Variants in IGF2BP2 observed in about 807,000 individuals in gnomAD.
IGF2BP2 encodes insulin-like growth factor 2 mRNA-binding protein 2.
IGF2BP2 carries 17 observed loss-of-function variants against 75.8 expected under a neutral mutation model. That is an observed-to-expected ratio of 0.22 (90% CI 0.15 to 0.34). The LOEUF (loss-of-function observed/expected upper bound fraction) is 0.34, where lower values mean the gene tolerates loss of function less well. Among genes scored for constraint, IGF2BP2 ranks in the 10% least tolerant of loss-of-function variants. The probability of loss-of-function intolerance (pLI) is 1.00; values close to 1 mark genes in which losing one functional copy is unlikely to be tolerated. For synonymous variants in IGF2BP2, 288 were observed against 295.6 expected (o/e 0.97, Z 0.26); for missense variants, 516 against 772.4 (o/e 0.67, Z 3.93).
At position 185,665,437 on chromosome 3, in the gene IGF2BP2, GAGA is replaced by G. The variant is rs200142109; in HGVS notation, c.1201-7031_1201-7029del. Among the ~76,000 whole-genome samples the G allele has an allele frequency of 1.4e-3, 164 of 118,132 alleles. 7 individuals are homozygous for G. The highest frequency in any genetic ancestry group is 2.3e-3 in the South Asian group (7 of 3,004). The allele number at this position is 118,132 out of a possible 152,430, so 77.5% of individuals were successfully genotyped here. A position where few individuals can be genotyped will look rare whatever the true frequency, so the allele number is the denominator to read the frequency against. On this transcript the variant is annotated intron_variant, in intron 10 of 15. Transcript: ENST00000382199. The stretch of plus-strand genomic sequence containing the variant: ...GGAGGAGAAGGAGAAGGAGGAGGAG[GAGA>G]AGGAGGAGGAGGAGGAGAAGAAGAA...
At chr3:185,724,183 A>G (rs553102643) in intron 2 of IGF2BP2, among the ~76,000 whole-genome samples, 1 of 152,318 alleles carries the variant, frequency 6.6e-6, no homozygotes, top group East Asian at 1.9e-4. Flanking sequence ...TTGCCCGGCT[A>G]AGATCTGAAG....
intron 9 of IGF2BP2, among the ~76,000 whole-genome samples, chr3:185,673,443 G>A (rs1329482125): frequency 1.3e-5 from 2 of 152,186 alleles, no homozygotes; most frequent in African/African-American, 2.4e-5. Flanking sequence ...AGCCAGGTTC[G>A]GGATGGTTTA....
chr3:185,774,716 G>A (rs1397776764), intron 2 of IGF2BP2, among the ~76,000 whole-genome samples: 6 of 151,752 alleles, frequency 4.0e-5, no homozygotes, highest in African/African-American at 1.2e-4. Context: ...GTTAAGAGGC[G>A]GCTGGGGACG....
intron 1 of IGF2BP2, 92 bp from the exon 2 acceptor site, chr3:185,823,305 T>A: frequency 1.0e-6 from 1 of 1,000,916 alleles, no homozygotes; most frequent in Non-Finnish European, 1.5e-6. Context: ...ACGCTCGGGC[T>A]CCGCCTTCGG....
intron 2 of IGF2BP2, among the ~76,000 whole-genome samples, chr3:185,769,073 T>G (rs1733505912): frequency 6.6e-6 from 1 of 151,892 alleles, no homozygotes; most frequent in Admixed American, 6.6e-5. Flanking sequence ...CGGGGCGCGG[T>G]GGTCCACGCC....
At chr3:185,803,282 C>T (rs1217384208) in intron 2 of IGF2BP2, among the ~76,000 whole-genome samples, 1 of 152,078 alleles carries the variant, frequency 6.6e-6, no homozygotes, top group Non-Finnish European at 1.5e-5. Flanking sequence ...ACCTGGGAGG[C>T]AGAGGTTGCA....
At chr3:185,810,206 A>C (rs888695729) in intron 2 of IGF2BP2, among the ~76,000 whole-genome samples, 2 of 152,212 alleles carry the variant, frequency 1.3e-5, no homozygotes, top group African/African-American at 2.4e-5. Context: ...CTATCAGAGT[A>C]GTCTGAGGCT....
chr3:185,771,318 A>G lies in IGF2BP2; in HGVS notation c.239+51835T>C, dbSNP rs572761474. On this transcript the variant is annotated intron_variant, in intron 2 of 15. Coordinates refer to ENST00000382199, the MANE Select transcript of IGF2BP2 (RefSeq NM_006548.6). Reference sequence around the variant, plus strand: ...TAGCCAGGTGTGGTGGTGCACGCCTATAATCCCAGCTACTTGGGTGGCTGA... The same window carrying G: ...TAGCCAGGTGTGGTGGTGCACGCCTGTAATCCCAGCTACTTGGGTGGCTGA... Among the ~76,000 whole-genome samples, 12 of 151,648 alleles carry G rather than the reference A, an allele frequency of 7.9e-5. No individual in the cohort carries two copies. In the South Asian group the frequency reaches 2.5e-3, roughly 32 times the overall value.
rs974414853 is a variant in IGF2BP2, at chr3:185,697,474, C to T, written c.289-811G>A. Reference sequence around the variant, plus strand: ...ATAAAACATTGTTTCCTTTAAGGCACGGTGTTTTCTTTGGGTGGGGAATAA... The same window carrying T: ...ATAAAACATTGTTTCCTTTAAGGCATGGTGTTTTCTTTGGGTGGGGAATAA... On this transcript the variant is annotated intron_variant, in intron 3 of 15. Coordinates refer to ENST00000382199, the MANE Select transcript of IGF2BP2 (RefSeq NM_006548.6). 7.9e-5 allele frequency among the ~76,000 whole-genome samples: 12 copies of T among 151,926 alleles called. No individual in the cohort carries two copies. The East Asian group carries it at 9.7e-4, about 12-fold the overall frequency.
rs116522229 is a variant in IGF2BP2, at chr3:185,645,916, T to C, written c.1708-293A>G. Among the ~76,000 whole-genome samples the C allele has an allele frequency of 1.3e-5, 2 of 152,076 alleles. No individual in the cohort carries two copies. Among genetic ancestry groups the C allele is most frequent in the East Asian group, 1.9e-4 (1 of 5,176 alleles). ...GAAGCAGAAGCAGGGCGCCAGCAAC[T>C]GGGGGCCGTGCAGAGTCAGATGCTA... On this transcript the variant is annotated intron_variant, in intron 15 of 15. Coordinates refer to ENST00000382199, the MANE Select transcript of IGF2BP2 (RefSeq NM_006548.6). The surrounding 1 kb of genome is among the most constrained non-coding windows in gnomAD (Gnocchi z 4.9).
chr3:185,765,129 G>A (rs1009651947), intron 2 of IGF2BP2, among the ~76,000 whole-genome samples: 1 of 152,082 alleles, frequency 6.6e-6, no homozygotes, highest in East Asian at 1.9e-4. Context: ...AACATCTTGT[G>A]ATGGCCTCAA....
chr3:185,820,212 GTGTGTA>G (rs1657252081), intron 2 of IGF2BP2, among the ~76,000 whole-genome samples: 1 of 133,056 alleles, frequency 7.5e-6, no homozygotes, highest in Admixed American at 7.3e-5. Flanking sequence ...GTATGTGTGT[GTGTGTA>G]TGTGTATATA....
intron 2 of IGF2BP2, among the ~76,000 whole-genome samples, chr3:185,792,242 A>C (rs1025341088): frequency 6.6e-6 from 1 of 152,194 alleles, no homozygotes; most frequent in Admixed American, 6.5e-5. Context: ...CCTCCAAAAA[A>C]GCAGCTATAA....
intron 2 of IGF2BP2, among the ~76,000 whole-genome samples, chr3:185,702,458 G>A (rs755266779): frequency 6.6e-6 from 1 of 152,052 alleles, no homozygotes; most frequent in African/African-American, 2.4e-5. Flanking sequence ...CAGTAACTTA[G>A]GAAAGTGATT....
chr3:185,663,258 G>A (rs1716764612), intron 10 of IGF2BP2, among the ~76,000 whole-genome samples: 2 of 152,146 alleles, frequency 1.3e-5, no homozygotes, highest in Admixed American at 6.6e-5. Flanking sequence ...ATTTTTGAGT[G>A]TTTCAAAATC....
intron 2 of IGF2BP2, among the ~76,000 whole-genome samples, chr3:185,783,690 T>C (rs1193340881): frequency 1.3e-5 from 2 of 152,206 alleles, no homozygotes; most frequent in African/African-American, 4.8e-5. Context: ...CCATCTATGA[T>C]GTAAATCTTC....
chr3:185,694,780 C>T (rs1157851662), intron 4 of IGF2BP2, among the ~76,000 whole-genome samples: 2 of 152,122 alleles, frequency 1.3e-5, no homozygotes, highest in African/African-American at 4.8e-5. Flanking sequence ...CCTACAACAC[C>T]CAATCATTAG....
Position 185,825,004 on chromosome 3 carries a change from C to G in IGF2BP2, c.-44G>C. 3 of 1,415,094 alleles carry G rather than the reference C, an allele frequency of 2.1e-6. No individual in the cohort carries two copies. Among genetic ancestry groups the G allele is most frequent in the Non-Finnish European group, 2.8e-6 (3 of 1,062,066 alleles). 87.7% of individuals were successfully genotyped at this position (1,415,094 alleles called of 1,614,324 possible). ...CCCGCGGCTCCCCCGGCCCGGTACC[C>G]GGCGCTCCTCGCCTCCTCCGCTGCC... On this transcript the variant is annotated 5_prime_UTR_variant, in exon 1 of 16. Coordinates refer to ENST00000382199, the MANE Select transcript of IGF2BP2 (RefSeq NM_006548.6).
chr3:185,824,856 C>A lies in IGF2BP2; in HGVS notation c.105G>T (p.Leu35=), dbSNP rs747467763. ...DRKLPLAGQV[L]LKSGYAFVDY... ...CCACGAAGGCGTAGCCGGACTTCAG[C>A]AGGACCTGTCCCGCCAGGGGCAGCT... The change falls in exon 1 of 16, where the codon CTG becomes CTT. Residue 35 remains leucine (L), a synonymous_variant. Coordinates refer to ENST00000382199, the MANE Select transcript of IGF2BP2 (RefSeq NM_006548.6). The A allele has an allele frequency of 8.3e-6, 13 of 1,557,432 alleles. No individual in the cohort carries two copies. In the African/African-American group the frequency reaches 1.8e-4, roughly 22 times the overall value.
Sources: gnomAD v4.1 joint callset for allele counts (sites outside exome capture counted in the v4.1 genomes callset) on GRCh38, gnomAD v4.1.1 for gene constraint, Gnocchi (gnomAD v3.1) non-coding constraint, MANE v1.5 for transcripts, NCBI Gene and HGNC (gene_info 2026-07-23, HGNC 2026-07-21) for gene names.